CUX1: variants seen among roughly 807,000 people sequenced by gnomAD.
The protein encoded by CUX1 is protein CASP.
CUX1 carries 31 observed loss-of-function variants against 158.8 expected under a neutral mutation model. That is an observed-to-expected ratio of 0.20 (90% CI 0.15 to 0.26). The LOEUF (loss-of-function observed/expected upper bound fraction) is 0.26, where lower values mean the gene tolerates loss of function less well. Among genes scored for constraint, CUX1 ranks in the 10% least tolerant of loss-of-function variants. The probability of loss-of-function intolerance (pLI) is 1.00; values close to 1 mark genes in which losing one functional copy is unlikely to be tolerated. For missense variants in CUX1, 1,589 were observed against 2,014.6 expected (o/e 0.79, Z 4.04); for synonymous variants, 879 against 862.1 (o/e 1.02, Z -0.34).
chr7:101,939,103 A>C (rs1807367548), intron 2 of CUX1, among the ~76,000 whole-genome samples: 1 of 62,024 alleles, frequency 1.6e-5, no homozygotes, highest in Admixed American at 1.9e-4. Flanking sequence ...ATATATATAT[A>C]TATATATATA....
At chr7:102,072,578 AT>A (rs1563205347) in intron 4 of CUX1, among the ~76,000 whole-genome samples, 1 of 152,222 alleles carries the variant, frequency 6.6e-6, no homozygotes, top group Non-Finnish European at 1.5e-5. Flanking sequence ...GGTACTTTCA[AT>A]TTCCCATCTG....
intron 2 of CUX1, among the ~76,000 whole-genome samples, chr7:102,022,969 C>G (rs952556178): frequency 4.6e-5 from 7 of 152,162 alleles, no homozygotes; most frequent in Non-Finnish European, 7.3e-5. Flanking sequence ...AATCCCAGCA[C>G]TTTGGGAGGC....
intron 3 of CUX1, among the ~76,000 whole-genome samples, chr7:102,043,323 CTGTGTGTGTGTGTGTGTGTGTGTGTG>C (rs57276921): frequency 1.4e-5 from 2 of 139,068 alleles, no homozygotes; most frequent in Non-Finnish European, 3.1e-5. Flanking sequence ...CATTAGCTCA[CTGTGTGTGTGTGTGTGTGTGTGTGTG>C]TGTGTGTGTG....
At chr7:102,264,263 C>T (rs943731876) in intron 14 of CUX1, among the ~76,000 whole-genome samples, 4 of 152,166 alleles carry the variant, frequency 2.6e-5, no homozygotes, top group African/African-American at 9.7e-5. Context: ...GCCTCGGCCT[C>T]CCAAAGTGCT....
intron 2 of CUX1, chr7:101,959,345 C>T (rs1810177482): frequency 6.6e-6 from 1 of 151,930 alleles, no homozygotes; most frequent in Non-Finnish European, 1.5e-5. Context: ...TACTCCTCTC[C>T]CCTTTTTTCT....
intron 2 of CUX1, among the ~76,000 whole-genome samples, chr7:102,005,054 T>C (rs1817154897): frequency 6.6e-6 from 1 of 152,196 alleles, no homozygotes; most frequent in Non-Finnish European, 1.5e-5. Context: ...TCTGCTGCTA[T>C]TGCAGGCAGG....
intron 1 of CUX1, among the ~76,000 whole-genome samples, chr7:101,887,293 T>C (rs1157676340): frequency 1.3e-5 from 2 of 152,086 alleles, no homozygotes; most frequent in Non-Finnish European, 2.9e-5. Flanking sequence ...TTTTCTTTTC[T>C]TTTGAAACTT....
At chr7:102,027,673 C>T (rs866251539) in intron 2 of CUX1, among the ~76,000 whole-genome samples, 4 of 152,024 alleles carry the variant, frequency 2.6e-5, no homozygotes, top group African/African-American at 9.7e-5. Flanking sequence ...CTCGCCTGGA[C>T]GACATGATGA....
At chr7:101,953,449 A>C (rs142692449) in intron 2 of CUX1, among the ~76,000 whole-genome samples, 1 of 152,276 alleles carries the variant, frequency 6.6e-6, no homozygotes, top group African/African-American at 2.4e-5. Flanking sequence ...TTACACGGTG[A>C]GTTGGTGAGC....
rs747814646 is a variant in CUX1, at chr7:101,870,150, TTTG to T, written c.31-45962_31-45960del. Among the ~76,000 whole-genome samples, 895 of 114,560 alleles carry T rather than the reference TTTG, an allele frequency of 7.8e-3. 21 individuals are homozygous for T. The highest frequency in any genetic ancestry group is 0.027 in the African/African-American group (770 of 28,432). The allele number at this position is 114,560 out of a possible 152,430, so 75.2% of individuals were successfully genotyped here. ...GCAGGCCCTGATGTTTAGTGTTTTT[TTTG>T]TTTTTTTTTTTTTTTTTAAAGACAG... On this transcript the variant is annotated intron_variant, in intron 1 of 23. Transcript: ENST00000292535.
intron 20 of CUX1, among the ~76,000 whole-genome samples, chr7:102,214,661 C>T (rs143739526): frequency 6.6e-5 from 10 of 152,362 alleles, no homozygotes; most frequent in Non-Finnish European, 1.0e-4. Flanking sequence ...CACGGCCCCC[C>T]GGAGCCATGC....
chr7:102,167,384 G>A (rs886467478), intron 9 of CUX1, among the ~76,000 whole-genome samples: 4 of 152,132 alleles, frequency 2.6e-5, no homozygotes, highest in African/African-American at 9.7e-5. Context: ...GATGGTATCC[G>A]CTCTGAACGG....
chr7:101,880,281 G>A (rs1469247766), intron 1 of CUX1, among the ~76,000 whole-genome samples: 1 of 152,126 alleles, frequency 6.6e-6, no homozygotes, highest in Non-Finnish European at 1.5e-5. Flanking sequence ...ATTAAAGCTC[G>A]TTGGCAATTT....
chr7:102,281,783 C>T, intron 20 of CUX1: 2 of 1,179,608 alleles, frequency 1.7e-6, no homozygotes, highest in Middle Eastern at 1.9e-4. Flanking sequence ...GCCCAGGCAG[C>T]CCTGCAGGGG....
Position 102,201,214 on chromosome 7 carries a change from C to G in CUX1, c.2063-146C>G. On this transcript the variant is annotated intron_variant, in intron 17 of 23. Transcript: ENST00000292535. The surrounding 1 kb of genome is among the most constrained non-coding windows in gnomAD (Gnocchi z 5.0). ...GTTGAGACAAGATGCCTGAATGTTT[C>G]ACTGACAGGGGCCATGCTGGGGAAA... The G allele has an allele frequency of 2.4e-6, 3 of 1,235,454 alleles. No individual in the cohort carries two copies. Among genetic ancestry groups the G allele is most frequent in the Non-Finnish European group, 2.2e-6 (2 of 890,180 alleles). The allele number at this position is 1,235,454 out of a possible 1,614,324, so 76.5% of individuals were successfully genotyped here. A position where few individuals can be genotyped will look rare whatever the true frequency, so the allele number is the denominator to read the frequency against.
intron 20 of CUX1, among the ~76,000 whole-genome samples, chr7:102,218,414 T>C (rs2132249541): frequency 6.6e-6 from 1 of 152,340 alleles, no homozygotes; most frequent in Non-Finnish European, 1.5e-5. Context: ...CCAGATATGG[T>C]GGCTCATGCC....
chr7:102,122,098 G>C (rs1278813896), intron 8 of CUX1, among the ~76,000 whole-genome samples: 1 of 152,124 alleles, frequency 6.6e-6, no homozygotes, highest in Non-Finnish European at 1.5e-5. Context: ...ATCATATTTA[G>C]ACAAATATTG....
intron 1 of CUX1, among the ~76,000 whole-genome samples, chr7:101,838,795 C>T (rs1333093521): frequency 6.7e-6 from 1 of 150,366 alleles, no homozygotes; most frequent in Non-Finnish European, 1.5e-5. Context: ...AAAAGTAAAA[C>T]GCTGTCTCAA....
At chr7:102,212,249 G>A (rs193029606) in intron 20 of CUX1, among the ~76,000 whole-genome samples, 51 of 152,320 alleles carry the variant, frequency 3.3e-4, no homozygotes, top group African/African-American at 1.1e-3. Flanking sequence ...GGGGCAGCCA[G>A]TGCTGAGTAC....
Sources: allele counts gnomAD v4.1 joint callset (sites outside exome capture counted in the v4.1 genomes callset), GRCh38; gene constraint gnomAD v4.1.1; non-coding constraint Gnocchi (gnomAD v3.1); transcripts MANE v1.5; gene names NCBI Gene and HGNC (gene_info 2026-07-23, HGNC 2026-07-21).